Variants in HOMER2 observed in about 807,000 individuals in gnomAD.
HOMER2 encodes the protein homer protein homolog 2.
Under a neutral mutation model 47.0 loss-of-function variants are expected in HOMER2, and 27 were observed. The ratio of observed to expected loss-of-function variants is 0.57; its 90% CI spans 0.42 to 0.79. The LOEUF (loss-of-function observed/expected upper bound fraction) is 0.79. HOMER2 is among the 30% of genes least tolerant of loss of function. HOMER2 has a pLI of 0.00. For missense variants in HOMER2, 443 were observed against 435.0 expected (o/e 1.02, Z -0.16); for synonymous variants, 161 against 163.8 (o/e 0.98, Z 0.13).
At chr15:82,858,659 A>G (rs925510409) in intron 5 of HOMER2, among the ~76,000 whole-genome samples, 3 of 152,062 alleles carry the variant, frequency 2.0e-5, no homozygotes, top group Non-Finnish European at 4.4e-5. Context: ...ACAAAGCACA[A>G]GCACAGGGGT....
chr15:82,975,527 C>T (rs1036409148), intron 1 of HOMER2, among the ~76,000 whole-genome samples: 2 of 152,044 alleles, frequency 1.3e-5, no homozygotes, highest in African/African-American at 4.8e-5. Flanking sequence ...ACTATTCAGC[C>T]GTAAAAAAAG....
At chr15:82,969,427 A>G (rs1296123965) in intron 1 of HOMER2, among the ~76,000 whole-genome samples, 1 of 152,184 alleles carries the variant, frequency 6.6e-6, no homozygotes, top group East Asian at 1.9e-4. Flanking sequence ...GGATGCGGGG[A>G]TCTACGATTC....
intron 1 of HOMER2, among the ~76,000 whole-genome samples, chr15:82,911,604 A>T (rs1392899467): frequency 6.6e-6 from 1 of 152,218 alleles, no homozygotes; most frequent in East Asian, 1.9e-4. Context: ...TTATATTTTC[A>T]TTTACACTAT....
chr15:82,839,117 T>C (rs983153373), exon 2 of HOMER2: 4 of 152,290 alleles, frequency 2.6e-5, no homozygotes, highest in South Asian at 2.1e-4. Context: ...ACCAAAATCT[T>C]ATCTGGTGGA....
At chr15:82,854,914 C>G in intron 5 of HOMER2, 114 bp from the exon 6 acceptor site, 2 of 1,245,978 alleles carry the variant, frequency 1.6e-6, no homozygotes, top group Non-Finnish European at 2.2e-6. Flanking sequence ...GGCCCACGCC[C>G]TCTCCCCACA....
chr15:82,945,855 A>C (rs1451978668), intron 1 of HOMER2, among the ~76,000 whole-genome samples: 1 of 152,102 alleles, frequency 6.6e-6, no homozygotes, highest in African/African-American at 2.4e-5. Flanking sequence ...CTGTAGTCCC[A>C]GCTACTCGGG....
chr15:82,938,950 G>A (rs187690446), intron 1 of HOMER2, among the ~76,000 whole-genome samples: 2 of 152,058 alleles, frequency 1.3e-5, no homozygotes, highest in African/African-American at 2.4e-5. Flanking sequence ...CTCATTCACC[G>A]GCTTCTTTTC....
chr15:82,967,207 C>T (rs937588879), intron 1 of HOMER2, among the ~76,000 whole-genome samples: 6 of 151,942 alleles, frequency 3.9e-5, no homozygotes, highest in Admixed American at 2.6e-4. Context: ...GCTATGACTG[C>T]CCCACTCCAC....
intron 1 of HOMER2, among the ~76,000 whole-genome samples, chr15:82,911,039 C>T (rs1442981034): frequency 6.6e-6 from 1 of 152,120 alleles, no homozygotes; most frequent in Non-Finnish European, 1.5e-5. Flanking sequence ...GTGCAAAGTG[C>T]CTTTTTGCTA....
At chr15:82,964,985 A>G (rs1044944838) in intron 1 of HOMER2, among the ~76,000 whole-genome samples, 1 of 152,196 alleles carries the variant, frequency 6.6e-6, no homozygotes, top group African/African-American at 2.4e-5. Context: ...ATGTCAATGT[A>G]GACTTAGGAA....
chr15:82,906,433 CTTTT>C (rs1185595370), intron 1 of HOMER2, among the ~76,000 whole-genome samples: 1 of 141,058 alleles, frequency 7.1e-6, no homozygotes. Flanking sequence ...AAGAAATCCA[CTTTT>C]TTTTTTTTTT....
At chr15:82,902,197 A>ATTTTTT (rs35594463) in intron 1 of HOMER2, among the ~76,000 whole-genome samples, 44 of 135,050 alleles carry the variant, frequency 3.3e-4, no homozygotes, top group Middle Eastern at 4.0e-3. Flanking sequence ...CATCCAAGTG[A>ATTTTTT]TTTTTTTTTT....
At chr15:82,891,964 CAG>C (rs2052722650) in intron 2 of HOMER2, among the ~76,000 whole-genome samples, 1 of 150,410 alleles carries the variant, frequency 6.6e-6, no homozygotes, top group South Asian at 2.1e-4. Flanking sequence ...AGGATGAAGA[CAG>C]AAAACCAGCA....
At chr15:82,949,192 C>T (rs2054449824) in intron 1 of HOMER2, among the ~76,000 whole-genome samples, 1 of 152,096 alleles carries the variant, frequency 6.6e-6, no homozygotes, top group Admixed American at 6.5e-5. Context: ...TGACGAGAGT[C>T]AGAAGCTCCA....
At chr15:82,850,464 C>T (rs978611193) in intron 8 of HOMER2, among the ~76,000 whole-genome samples, 2 of 152,210 alleles carry the variant, frequency 1.3e-5, no homozygotes, top group African/African-American at 4.8e-5. Context: ...TGGCGCTGGG[C>T]CCCACAAGCC....
At chr15:82,891,044 C>G (rs907014891) in intron 2 of HOMER2, among the ~76,000 whole-genome samples, 1 of 152,182 alleles carries the variant, frequency 6.6e-6, no homozygotes, top group African/African-American at 2.4e-5. Flanking sequence ...ATCAGATCAC[C>G]AGATCCTGGG....
At chr15:82,918,889 G>A (rs1452069808) in intron 1 of HOMER2, among the ~76,000 whole-genome samples, 1 of 152,212 alleles carries the variant, frequency 6.6e-6, no homozygotes, top group African/African-American at 2.4e-5. Context: ...AACTCTGAGT[G>A]TCAATCATGA....
intron 1 of HOMER2, among the ~76,000 whole-genome samples, chr15:82,902,483 A>G (rs1481199170): frequency 6.6e-6 from 1 of 152,180 alleles, no homozygotes; most frequent in Non-Finnish European, 1.5e-5. Flanking sequence ...GGCATGAGCC[A>G]CTGTGCCCAG....
At chr15:82,952,496 G>GGCGCGCGGAGA in intron 1 of HOMER2, 35 bp downstream of exon 1, 2 of 1,182,170 alleles carry the variant, frequency 1.7e-6, no homozygotes, top group Non-Finnish European at 2.1e-6. Flanking sequence ...CCTCCGGAGG[G>GGCGCGCGGAGA]GCGCGCGGAG....
Sources: gnomAD v4.1 joint callset for allele counts (sites outside exome capture counted in the v4.1 genomes callset) on GRCh38, gnomAD v4.1.1 for gene constraint, MANE v1.5 for transcripts, NCBI Gene and HGNC (gene_info 2026-07-23, HGNC 2026-07-21) for gene names.